Variants in IQCH observed in about 807,000 individuals in gnomAD.
The protein encoded by IQCH is IQ motif containing H, also known as IQ domain-containing protein H.
A neutral mutation model predicts 117.0 loss-of-function variants in IQCH; 98 were observed. That is an observed-to-expected ratio of 0.84 (90% CI 0.71 to 0.99). IQCH has a LOEUF of 0.99. Among genes scored for constraint, IQCH ranks in the 50% least tolerant of loss-of-function variants. The pLI is 0.00. For synonymous variants in IQCH, 412 were observed against 448.2 expected (o/e 0.92, Z 1.02); for missense variants, 1,102 against 1,243.8 (o/e 0.89, Z 1.72).
intron 5 of IQCH, among the ~76,000 whole-genome samples, chr15:67,337,422 A>G (rs534625781): frequency 6.6e-6 from 1 of 152,312 alleles, no homozygotes; most frequent in Non-Finnish European, 1.5e-5. Context: ...ATCATTTTTG[A>G]TATATTATTC....
intron 5 of IQCH, among the ~76,000 whole-genome samples, chr15:67,341,376 A>G (rs144367179): frequency 2.4e-4 from 36 of 152,348 alleles, no homozygotes; most frequent in African/African-American, 8.2e-4. Context: ...TGTATTCTCT[A>G]TAAGACATTA....
chr15:67,330,011 C>T (rs1968593999), intron 4 of IQCH, among the ~76,000 whole-genome samples: 1 of 152,074 alleles, frequency 6.6e-6, no homozygotes, highest in African/African-American at 2.4e-5. Context: ...ATGTCAGGTC[C>T]ATACACACTT....
rs866846686 is a variant in IQCH, at chr15:67,432,980, T to C, written c.2505+11403T>C. On this transcript the variant is annotated intron_variant, in intron 16 of 20. Coordinates refer to ENST00000335894, the MANE Select transcript of IQCH (RefSeq NM_001031715.3). This position sits in a 1 kb window ranked among gnomAD's most constrained non-coding sequence, Gnocchi z 5.0. ...CTCAATGAGATTTACTTTTTCTCTTTAGGGAAAGTATTTTATTTATATGGA... is the reference window on the plus strand; with the variant it reads ...CTCAATGAGATTTACTTTTTCTCTTCAGGGAAAGTATTTTATTTATATGGA... Among the ~76,000 whole-genome samples the C allele has an allele frequency of 6.6e-6, 1 of 152,232 alleles. No individual in the cohort carries two copies. The highest frequency in any genetic ancestry group is 2.4e-5 in the African/African-American group (1 of 41,464).
intron 4 of IQCH, among the ~76,000 whole-genome samples, chr15:67,280,082 A>G (rs369786871): frequency 1.3e-5 from 2 of 152,262 alleles, no homozygotes; most frequent in Non-Finnish European, 2.9e-5. Flanking sequence ...AAACTTTTTA[A>G]AAGAGTAAAG....
intron 4 of IQCH, chr15:67,281,722 C>T (rs1399102587): frequency 2.2e-6 from 1 of 454,378 alleles, no homozygotes; most frequent in East Asian, 6.9e-5. Context: ...TGCAAGACCA[C>T]TTCTGTTTGC....
At chr15:67,277,760 C>G (rs1395697113) in intron 3 of IQCH, among the ~76,000 whole-genome samples, 1 of 152,078 alleles carries the variant, frequency 6.6e-6, no homozygotes, top group African/African-American at 2.4e-5. Flanking sequence ...GTCTCGATCT[C>G]CTGACCTCAT....
chr15:67,371,894 A>T (rs1046625070), intron 8 of IQCH, among the ~76,000 whole-genome samples: 2 of 152,180 alleles, frequency 1.3e-5, no homozygotes, highest in Non-Finnish European at 2.9e-5. Flanking sequence ...AAATGTTAAT[A>T]GATTTGAGTG....
chr15:67,277,823 G>A (rs930032384), intron 3 of IQCH, among the ~76,000 whole-genome samples: 11 of 152,014 alleles, frequency 7.2e-5, no homozygotes, highest in African/African-American at 2.4e-4. Context: ...TTGAGCCACC[G>A]CGCCTGGCCC....
chr15:67,451,133 G>C (rs1377148157), intron 16 of IQCH, among the ~76,000 whole-genome samples: 2 of 151,940 alleles, frequency 1.3e-5, no homozygotes, highest in Non-Finnish European at 2.9e-5. Context: ...TATTAGTCTT[G>C]CTAGCAGTCT....
Position 67,430,621 on chromosome 15 carries a change from T to C in IQCH, c.2505+9044T>C, listed in dbSNP as rs1271751762. The stretch of plus-strand genomic sequence containing the variant: ...TGTCTAACACAATGATGGTCATATT[T>C]GGCCAGCCACCTGATTATTATTTGT... On this transcript the variant is annotated intron_variant, in intron 16 of 20. Transcript: ENST00000335894. The surrounding 1 kb of genome is among the most constrained non-coding windows in gnomAD (Gnocchi z 5.1). Among the ~76,000 whole-genome samples, 4 of 152,222 alleles carry C rather than the reference T, an allele frequency of 2.6e-5. No individual in the cohort carries two copies. The highest frequency in any genetic ancestry group is 2.9e-5 in the Non-Finnish European group (2 of 68,030).
Position 67,427,908 on chromosome 15 carries a change from A to C in IQCH, c.2505+6331A>C, listed in dbSNP as rs1239873927. Among the ~76,000 whole-genome samples, 1 of 150,218 alleles carries C rather than the reference A, an allele frequency of 6.7e-6. No individual in the cohort carries two copies. Among genetic ancestry groups the C allele is most frequent in the Admixed American group, 6.6e-5 (1 of 15,056 alleles). ...CAGTGGCATGATCTTGCTTCACTGTAATCTTTGCCTCCCAGGCTCAAGTGA... is the reference window on the plus strand; with the variant it reads ...CAGTGGCATGATCTTGCTTCACTGTCATCTTTGCCTCCCAGGCTCAAGTGA... On this transcript the variant is annotated intron_variant, in intron 16 of 20. Transcript: ENST00000335894. This position sits in a 1 kb window ranked among gnomAD's most constrained non-coding sequence, Gnocchi z 4.7.
At chr15:67,449,370 A>G (rs1186440757) in intron 16 of IQCH, among the ~76,000 whole-genome samples, 1 of 152,124 alleles carries the variant, frequency 6.6e-6, no homozygotes, top group Non-Finnish European at 1.5e-5. Flanking sequence ...CTAACATTTA[A>G]GTCTTTAATC....
chr15:67,345,793 T>G (rs1458531834), intron 6 of IQCH, among the ~76,000 whole-genome samples: 4 of 152,140 alleles, frequency 2.6e-5, no homozygotes, highest in Non-Finnish European at 5.9e-5. Context: ...GTGTAAAAAC[T>G]AGTAAAATCT....
chr15:67,352,716 T>G (rs1411597039), intron 6 of IQCH, among the ~76,000 whole-genome samples: 1 of 152,044 alleles, frequency 6.6e-6, no homozygotes, highest in Non-Finnish European at 1.5e-5. Flanking sequence ...CTAGTTGAAA[T>G]AAGTTCTTTT....
chr15:67,369,506 GAA>G lies in IQCH; in HGVS notation c.754-2603_754-2602del, dbSNP rs201920174. ...GGAAGGAAGAGAAAAAGAAAAAAGAGAAAGAAGAGAGGGAAGGGGAAAGAAGG... is the reference window on the plus strand; with the variant it reads ...GGAAGGAAGAGAAAAAGAAAAAAGAGAGAAGAGAGGGAAGGGGAAAGAAGG... On this transcript the variant is annotated intron_variant, in intron 8 of 20. Transcript: ENST00000335894. The surrounding 1 kb of genome is among the most constrained non-coding windows in gnomAD (Gnocchi z 5.2). 0.44 allele frequency among the ~76,000 whole-genome samples: 66,406 copies of G among 150,088 alleles called. 15,162 individuals carry two copies. Among genetic ancestry groups the G allele is most frequent in the Non-Finnish European group, 0.52 (34,975 of 67,484 alleles).
intron 16 of IQCH, among the ~76,000 whole-genome samples, chr15:67,423,086 C>T (rs1315772460): frequency 1.3e-5 from 2 of 152,132 alleles, no homozygotes; most frequent in African/African-American, 4.8e-5. Flanking sequence ...CTTCCTGGGC[C>T]CTCCATTGGT....
At chr15:67,410,996 T>G (rs2081435032) in intron 14 of IQCH, among the ~76,000 whole-genome samples, 1 of 152,000 alleles carries the variant, frequency 6.6e-6, no homozygotes, top group African/African-American at 2.4e-5. Flanking sequence ...CCTCAGAGAG[T>G]GGCTGAGATA....
At position 67,369,556 on chromosome 15, in the gene IQCH, G is replaced by T. The variant is rs1970452625; in HGVS notation, c.754-2555G>T. Among the ~76,000 whole-genome samples the T allele has an allele frequency of 6.6e-6, 1 of 151,018 alleles. No individual in the cohort carries two copies. Among genetic ancestry groups the T allele is most frequent in the Non-Finnish European group, 1.5e-5 (1 of 67,686 alleles). On this transcript the variant is annotated intron_variant, in intron 8 of 20. Transcript: ENST00000335894. This position sits in a 1 kb window ranked among gnomAD's most constrained non-coding sequence, Gnocchi z 5.2. The stretch of plus-strand genomic sequence containing the variant: ...AGGGAAGGAGGGAGGGAGGAAGGAA[G>T]AAAAGGAAGGAGGGAGGAAAGAAGG...
intron 3 of IQCH, among the ~76,000 whole-genome samples, chr15:67,267,667 C>T (rs1407472130): frequency 6.6e-6 from 1 of 152,170 alleles, no homozygotes; most frequent in Non-Finnish European, 1.5e-5. Context: ...GGCAGCAACT[C>T]CTTCTGAGAG....
Sources: allele counts gnomAD v4.1 joint callset (sites outside exome capture counted in the v4.1 genomes callset), GRCh38; gene constraint gnomAD v4.1.1; non-coding constraint Gnocchi (gnomAD v3.1); transcripts MANE v1.5; gene names NCBI Gene and HGNC (gene_info 2026-07-23, HGNC 2026-07-21).